Variants in TMEM132C observed in about 807,000 individuals in gnomAD.
The protein encoded by TMEM132C is protein phosphatase 1, regulatory subunit 152.
A neutral mutation model predicts 61.4 loss-of-function variants in TMEM132C; 29 were observed. That is an observed-to-expected ratio of 0.47 (90% CI 0.35 to 0.64). The LOEUF (loss-of-function observed/expected upper bound fraction) is 0.64. Among genes scored for constraint, TMEM132C ranks in the 30% least tolerant of loss-of-function variants. The pLI, the probability that TMEM132C is intolerant of heterozygous loss-of-function variation, is 0.00. For synonymous variants in TMEM132C, 656 were observed against 633.1 expected, an observed-to-expected ratio of 1.04 and a Z score of -0.54; for missense variants, 1,408 against 1,476.9, an observed-to-expected ratio of 0.95 and a Z score of 0.76.
chr12:128,325,450 T>C (rs1872476143), intron 1 of TMEM132C, among the ~76,000 whole-genome samples: 2 of 152,158 alleles, frequency 1.3e-5, no homozygotes, highest in Middle Eastern at 3.2e-3. Flanking sequence ...CATGGGTGTC[T>C]CTGTGTGTGC....
chr12:128,604,969 T>C (rs1442324691), intron 3 of TMEM132C, among the ~76,000 whole-genome samples: 2 of 127,200 alleles, frequency 1.6e-5, no homozygotes, highest in Non-Finnish European at 3.2e-5. Flanking sequence ...AAATAATAGA[T>C]GGGTAGATGG....
intron 2 of TMEM132C, among the ~76,000 whole-genome samples, chr12:128,541,156 A>G (rs1873734100): frequency 6.6e-6 from 1 of 152,028 alleles, no homozygotes; most frequent in African/African-American, 2.4e-5. Flanking sequence ...ACTTATGTTG[A>G]CTGGTTTATT....
intron 5 of TMEM132C, among the ~76,000 whole-genome samples, chr12:128,685,908 C>A (rs148476835): frequency 6.6e-6 from 1 of 152,270 alleles, no homozygotes; most frequent in African/African-American, 2.4e-5. Flanking sequence ...AGAGAGATGA[C>A]CCATGTGAGC....
chr12:128,409,272 T>A (rs1225100112), intron 1 of TMEM132C, among the ~76,000 whole-genome samples: 1 of 152,152 alleles, frequency 6.6e-6, no homozygotes, highest in Non-Finnish European at 1.5e-5. Context: ...ATGGTTCAAA[T>A]AACCCTGGAA....
chr12:128,688,242 A>G lies in TMEM132C; in HGVS notation c.1450-5587A>G, dbSNP rs186658725. Among the ~76,000 whole-genome samples the G allele has an allele frequency of 8.6e-4, 131 of 152,358 alleles. 1 individual carries two copies. The highest frequency in any genetic ancestry group is 1.8e-4 in the Non-Finnish European group (12 of 68,024). ...AGGAAGGACGACTTCAGCCAAGGCC[A>G]TAATCCTAGTATCAACAACATGGCT... On this transcript the variant is annotated intron_variant, in intron 5 of 8. Coordinates refer to ENST00000435159, the MANE Select transcript of TMEM132C (RefSeq NM_001136103.3).
chr12:128,629,118 A>G (rs540565653), intron 4 of TMEM132C, among the ~76,000 whole-genome samples: 1 of 152,374 alleles, frequency 6.6e-6, no homozygotes. Context: ...CATCATGCAC[A>G]CTGGGACCTG....
In TMEM132C at chr12:128,691,321, A is replaced by G. The variant is rs367963753; in HGVS notation, c.1450-2508A>G. Reference sequence around the variant, plus strand: ...TTTTTGTAGCTTTTGGCTCCATGTCATCTCAGTCTCTCACTGCATCGTCCA... The same window carrying G: ...TTTTTGTAGCTTTTGGCTCCATGTCGTCTCAGTCTCTCACTGCATCGTCCA... On this transcript the variant is annotated intron_variant, in intron 5 of 8. Transcript: ENST00000435159. Among the ~76,000 whole-genome samples the G allele has an allele frequency of 4.6e-5, 7 of 152,316 alleles. No individual in the cohort carries two copies. In the South Asian group the frequency reaches 1.0e-3, roughly 23 times the overall value.
At chr12:128,486,876 A>AACACACACACACACAC (rs56407388) in intron 2 of TMEM132C, among the ~76,000 whole-genome samples, 3 of 131,136 alleles carry the variant, frequency 2.3e-5, no homozygotes, top group African/African-American at 8.5e-5. Context: ...TGTGCATGCA[A>AACACACACACACACAC]ACACACACAC....
Position 128,705,150 on chromosome 12 carries a change from T to C in TMEM132C, c.2182T>C (p.Tyr728His). 1 of 1,551,496 alleles carries C rather than the reference T, an allele frequency of 6.4e-7. No homozygotes were observed. The highest frequency in any genetic ancestry group is 8.7e-7 in the Non-Finnish European group (1 of 1,146,902). The change falls in exon 9 of 9, where the codon TAC becomes CAC. Residue 728 changes from tyrosine (Y) to histidine (H), a missense_variant. Coordinates refer to ENST00000435159, the MANE Select transcript of TMEM132C (RefSeq NM_001136103.3). ...TGGCTCTGTGACGCCCCTGGACATC[T>C]ACGACACCAAGGACTTCTCCCTGGC... The part of the protein sequence containing the change: ...SDGSVTPLDI[Y>H]DTKDFSLAAT...
chr12:128,501,796 G>A (rs1383257450), intron 2 of TMEM132C, among the ~76,000 whole-genome samples: 1 of 152,220 alleles, frequency 6.6e-6, no homozygotes, highest in Non-Finnish European at 1.5e-5. Flanking sequence ...TGAACTTTTT[G>A]TAAGGCCCAA....
intron 2 of TMEM132C, among the ~76,000 whole-genome samples, chr12:128,454,758 C>A (rs965287339): frequency 6.6e-6 from 1 of 152,212 alleles, no homozygotes; most frequent in Non-Finnish European, 1.5e-5. Flanking sequence ...GCAAAGATAG[C>A]AGACAGATTC....
intron 3 of TMEM132C, among the ~76,000 whole-genome samples, chr12:128,581,731 G>A (rs368015708): frequency 2.6e-5 from 4 of 152,200 alleles, no homozygotes; most frequent in African/African-American, 4.8e-5. Flanking sequence ...GGTTCAGGGC[G>A]ATCTAAGCAG....
At chr12:128,473,220 CTCCATCTTTGTCCTT>C (rs1871013789) in intron 2 of TMEM132C, among the ~76,000 whole-genome samples, 7 of 151,642 alleles carry the variant, frequency 4.6e-5, no homozygotes, top group African/African-American at 1.7e-4. Flanking sequence ...TCACTCCAGC[CTCCATCTTTGTCCTT>C]ACTCCAGCGT....
At chr12:128,450,874 C>T (rs1016639940) in intron 2 of TMEM132C, among the ~76,000 whole-genome samples, 2 of 152,092 alleles carry the variant, frequency 1.3e-5, no homozygotes, top group East Asian at 1.9e-4. Flanking sequence ...TATTAATTGG[C>T]GCATATGCCT....
intron 1 of TMEM132C, among the ~76,000 whole-genome samples, chr12:128,283,790 T>C (rs574731891): frequency 6.6e-6 from 1 of 152,112 alleles, no homozygotes; most frequent in Non-Finnish European, 1.5e-5. Flanking sequence ...CCATTTCCCC[T>C]GCCTTCCCCA....
At chr12:128,579,202 T>C (rs1461888774) in intron 3 of TMEM132C, among the ~76,000 whole-genome samples, 3 of 152,162 alleles carry the variant, frequency 2.0e-5, no homozygotes, top group African/African-American at 4.8e-5. Context: ...AGTGCCACAG[T>C]TGATGGGGAA....
intron 2 of TMEM132C, among the ~76,000 whole-genome samples, chr12:128,432,762 A>C (rs1233235311): frequency 3.9e-5 from 6 of 152,240 alleles, no homozygotes; most frequent in Admixed American, 3.3e-4. Flanking sequence ...TAGTTAAAAC[A>C]GCAGGAGGTT....
chr12:128,303,646 G>A (rs1030040450), intron 1 of TMEM132C, among the ~76,000 whole-genome samples: 2 of 152,196 alleles, frequency 1.3e-5, no homozygotes, highest in Non-Finnish European at 2.9e-5. Context: ...TGTTCTCAAC[G>A]TTGCTTGCTA....
At chr12:128,660,662 C>T (rs141444962) in intron 4 of TMEM132C, among the ~76,000 whole-genome samples, 9 of 152,300 alleles carry the variant, frequency 5.9e-5, no homozygotes, top group East Asian at 5.8e-4. Context: ...AAGAAGAAAA[C>T]GGCTTGCCAA....
Sources: allele counts gnomAD v4.1 joint callset (sites outside exome capture counted in the v4.1 genomes callset), GRCh38; gene constraint gnomAD v4.1.1; transcripts MANE v1.5; gene names NCBI Gene and HGNC (gene_info 2026-07-23, HGNC 2026-07-21).